PDXDC1: variants seen among roughly 807,000 people sequenced by gnomAD.
The protein encoded by PDXDC1 is pyridoxal dependent decarboxylase domain containing 1.
A neutral mutation model predicts 100.1 loss-of-function variants in PDXDC1; 42 were observed. That is an observed-to-expected ratio of 0.42 (90% CI 0.33 to 0.54). PDXDC1 has a LOEUF of 0.54. PDXDC1 is among the 20% of genes least tolerant of loss of function. The probability of loss-of-function intolerance (pLI) is 0.10; values close to 1 mark genes in which losing one functional copy is unlikely to be tolerated. For missense variants in PDXDC1, 636 were observed against 979.2 expected, an observed-to-expected ratio of 0.65 and a Z score of 4.68; for synonymous variants, 260 against 371.7, an observed-to-expected ratio of 0.70 and a Z score of 3.46.
chr16:15,024,382 G>T (rs527717905), intron 13 of PDXDC1, among the ~76,000 whole-genome samples: 24 of 151,046 alleles, frequency 1.6e-4, no homozygotes, highest in Non-Finnish European at 3.1e-4. Flanking sequence ...TGGAAACACT[G>T]TTTCCCACCC....
intron 1 of PDXDC1, chr16:14,976,735 G>C (rs1966854473): frequency 6.6e-6 from 1 of 152,372 alleles, no homozygotes; most frequent in Admixed American, 6.5e-5. Flanking sequence ...AGAGGCCAGG[G>C]ACGCCTCTAA....
downstream of PDXDC1, among the ~76,000 whole-genome samples, chr16:15,143,344 G>C (rs1356349179): frequency 1.3e-5 from 2 of 152,192 alleles, no homozygotes; most frequent in African/African-American, 4.8e-5. Context: ...GCCAGGCCTG[G>C]AGGCTGCCCC....
rs752472014 is a variant in PDXDC1, at chr16:15,104,409, GTGT to G, written c.1400-34469_1400-34467del. On this transcript the variant is annotated intron_variant, in intron 16 of 16. Coordinates refer to the PDXDC1 transcript ENST00000535621. The stretch of plus-strand genomic sequence containing the variant: ...GGGAGTGAGCAGACACACTTGGGAG[GTGT>G]CTTGAGATTATCATCCGCTGAGGGT... 1.3e-3 allele frequency: 1,945 copies of G among 1,460,096 alleles called. 10 individuals carry two copies. Among genetic ancestry groups the G allele is most frequent in the Middle Eastern group, 2.6e-3 (10 of 3,870 alleles). 90.4% of individuals were successfully genotyped at this position (1,460,096 alleles called of 1,614,324 possible). A position where few individuals can be genotyped will look rare whatever the true frequency, so the allele number is the denominator to read the frequency against.
chr16:15,057,719 A>G (rs2044577299), intron 16 of PDXDC1, among the ~76,000 whole-genome samples: 1 of 152,210 alleles, frequency 6.6e-6, no homozygotes, highest in Non-Finnish European at 1.5e-5. Flanking sequence ...TACATACTAA[A>G]CACTAAAGAT....
intron 3 of PDXDC1, among the ~76,000 whole-genome samples, chr16:14,998,717 A>G (rs1185294116): frequency 3.9e-5 from 6 of 152,286 alleles, no homozygotes; most frequent in Non-Finnish European, 7.3e-5. Flanking sequence ...AGCCTCCCAA[A>G]GTGCTGGGAT....
At chr16:15,052,874 C>T (rs2044352219) in intron 16 of PDXDC1, among the ~76,000 whole-genome samples, 2 of 152,122 alleles carry the variant, frequency 1.3e-5, no homozygotes, top group African/African-American at 4.8e-5. Flanking sequence ...CTAAGCTACG[C>T]TGCGAGCATC....
At chr16:15,142,810 C>T (rs1412100821), downstream of PDXDC1, among the ~76,000 whole-genome samples, 5 of 151,850 alleles carry the variant, frequency 3.3e-5, no homozygotes, top group East Asian at 9.7e-4. Flanking sequence ...GATGCCCTGC[C>T]CCCACGTTCT....
At chr16:15,068,236 T>A in intron 16 of PDXDC1, 1 of 1,586,156 alleles carries the variant, frequency 6.3e-7, no homozygotes, top group East Asian at 2.3e-5. Context: ...AGCTGGCTCA[T>A]CACTATCCGC....
the PDXDC1 span, among the ~76,000 whole-genome samples, chr16:15,146,484 T>C: frequency 6.6e-6 from 1 of 151,922 alleles, no homozygotes; most frequent in Non-Finnish European, 1.5e-5. Context: ...CCCGCACGTC[T>C]CACACACACC....
chr16:14,980,897 G>A (rs1174634622), intron 1 of PDXDC1, among the ~76,000 whole-genome samples: 5 of 152,292 alleles, frequency 3.3e-5, no homozygotes, highest in African/African-American at 1.2e-4. Flanking sequence ...ACTGCACCCG[G>A]CCTTGATTTA....
At chr16:15,134,013 G>A (rs1411781813) in intron 16 of PDXDC1, 12 of 1,451,670 alleles carry the variant, frequency 8.3e-6, no homozygotes, top group Middle Eastern at 2.4e-4. Context: ...TGCGCTGCCC[G>A]TGGATGTGGT....
the PDXDC1 span, among the ~76,000 whole-genome samples, chr16:15,147,381 T>C: frequency 6.6e-6 from 1 of 152,192 alleles, no homozygotes; most frequent in Non-Finnish European, 1.5e-5. Context: ...CCACGGCTTC[T>C]CAGAGCCTCA....
intron 16 of PDXDC1, among the ~76,000 whole-genome samples, chr16:15,073,580 CCTCACACA>C (rs1486946250): frequency 4.6e-5 from 7 of 152,218 alleles, no homozygotes; most frequent in African/African-American, 1.7e-4. Flanking sequence ...CAGGCCCTCA[CCTCACACA>C]CTGTGGCAAG....
intron 16 of PDXDC1, chr16:15,132,754 G>C (rs1319698258): frequency 8.8e-7 from 1 of 1,141,762 alleles, no homozygotes; most frequent in Non-Finnish European, 1.3e-6. Context: ...CGATCTGCTG[G>C]ATGTCATCCA....
At chr16:15,133,423 C>A in intron 16 of PDXDC1, 1 of 1,035,388 alleles carries the variant, frequency 9.7e-7, no homozygotes. Flanking sequence ...TGGCCAGAGA[C>A]CTACGAGCAG....
At chr16:15,075,738 T>C (rs577303111) in intron 16 of PDXDC1, among the ~76,000 whole-genome samples, 3 of 152,264 alleles carry the variant, frequency 2.0e-5, no homozygotes, top group African/African-American at 7.2e-5. Context: ...GACCTATCCA[T>C]GCAAAAATCA....
At chr16:15,086,500 A>G (rs765103374) in intron 16 of PDXDC1, 9 of 1,607,412 alleles carry the variant, frequency 5.6e-6, no homozygotes, top group Non-Finnish European at 7.6e-6. Context: ...ATCCTCTAAC[A>G]TAACAGAAAT....
chr16:15,067,288 A>G (rs2045020565), intron 16 of PDXDC1, among the ~76,000 whole-genome samples: 1 of 149,974 alleles, frequency 6.7e-6, no homozygotes. Context: ...CGCTTTCTCC[A>G]TAAAGCAGAA....
chr16:15,073,522 T>A (rs1510148), intron 16 of PDXDC1, among the ~76,000 whole-genome samples: 98,073 of 152,096 alleles, frequency 0.64, 33,321 homozygotes, highest in Non-Finnish European at 0.74. Flanking sequence ...TACTTTTAGT[T>A]TACACAGATT....
Sources: gnomAD v4.1 joint callset for allele counts (sites outside exome capture counted in the v4.1 genomes callset) on GRCh38, gnomAD v4.1.1 for gene constraint, MANE v1.5 for transcripts, NCBI Gene and HGNC (gene_info 2026-07-23, HGNC 2026-07-21) for gene names.